UNC5C: variants seen among roughly 807,000 people sequenced by gnomAD.
UNC5C encodes unc-5 netrin receptor C.
A neutral mutation model predicts 99.8 loss-of-function variants in UNC5C; 47 were observed. That is an observed-to-expected ratio of 0.47 (90% CI 0.37 to 0.60). UNC5C has a LOEUF of 0.60. UNC5C is among the 20% of genes least tolerant of loss of function. UNC5C has a pLI of 0.00. For missense variants in UNC5C, 1,062 were observed against 1,165.9 expected (o/e 0.91, Z 1.30); for synonymous variants, 487 against 452.2 (o/e 1.08, Z -0.98).
At chr4:95,194,045 G>A (rs896655699) in intron 12 of UNC5C, among the ~76,000 whole-genome samples, 1 of 152,112 alleles carries the variant, frequency 6.6e-6, no homozygotes, top group African/African-American at 2.4e-5. Context: ...AAGTTGCTTC[G>A]TTTCTAGGGC....
intron 2 of UNC5C, among the ~76,000 whole-genome samples, chr4:95,304,703 C>T (rs1256644556): frequency 6.6e-6 from 1 of 152,134 alleles, no homozygotes; most frequent in Non-Finnish European, 1.5e-5. Context: ...TAGTAACTTA[C>T]AGTCACCAAA....
chr4:95,320,366 G>T (rs1228946891), intron 2 of UNC5C, among the ~76,000 whole-genome samples: 3 of 145,092 alleles, frequency 2.1e-5, no homozygotes, highest in African/African-American at 7.6e-5. Context: ...AGGTTGCAGT[G>T]AGCGGAGATC....
At chr4:95,376,697 G>A (rs1744904615) in intron 1 of UNC5C, among the ~76,000 whole-genome samples, 1 of 152,082 alleles carries the variant, frequency 6.6e-6, no homozygotes, top group African/African-American at 2.4e-5. Flanking sequence ...AATAAGAATA[G>A]GCTGCAATTG....
chr4:95,199,453 T>TAA (rs1737563783), intron 12 of UNC5C, among the ~76,000 whole-genome samples: 1 of 152,192 alleles, frequency 6.6e-6, no homozygotes, highest in Non-Finnish European at 1.5e-5. Flanking sequence ...TGTTTCAGGC[T>TAA]AAGTGCTAGA....
At chr4:95,548,330 C>A (rs999068664) in intron 1 of UNC5C, among the ~76,000 whole-genome samples, 2 of 152,048 alleles carry the variant, frequency 1.3e-5, no homozygotes, top group African/African-American at 4.8e-5. Flanking sequence ...GCGCATCATG[C>A]GCTTCGGGGT....
At chr4:95,175,694 A>G (rs566072687) in intron 14 of UNC5C, among the ~76,000 whole-genome samples, 136 of 151,970 alleles carry the variant, frequency 8.9e-4, no homozygotes, top group Non-Finnish European at 1.5e-3. Context: ...CTTCATTTCA[A>G]CTTTGGTGAA....
intron 7 of UNC5C, among the ~76,000 whole-genome samples, chr4:95,226,823 G>C (rs1412596687): frequency 6.6e-6 from 1 of 151,020 alleles, no homozygotes; most frequent in Non-Finnish European, 1.5e-5. Flanking sequence ...TAGGGATGGT[G>C]TTTTTTTTTG....
intron 1 of UNC5C, among the ~76,000 whole-genome samples, chr4:95,463,373 T>G (rs1317940698): frequency 6.6e-6 from 1 of 152,114 alleles, no homozygotes; most frequent in Non-Finnish European, 1.5e-5. Flanking sequence ...CAGGCTCTCC[T>G]GATTTAAAGG....
intron 1 of UNC5C, among the ~76,000 whole-genome samples, chr4:95,459,111 A>G (rs1422090298): frequency 1.3e-5 from 2 of 152,122 alleles, no homozygotes; most frequent in African/African-American, 2.4e-5. Context: ...TAGAAAGAAC[A>G]TAAAGTTACA....
intron 1 of UNC5C, among the ~76,000 whole-genome samples, chr4:95,401,183 A>T (rs1331135203): frequency 1.3e-5 from 2 of 152,184 alleles, no homozygotes; most frequent in Non-Finnish European, 2.9e-5. Flanking sequence ...TGTTCTTAGT[A>T]GAGTGCCTAC....
chr4:95,393,067 G>A (rs1308044453), intron 1 of UNC5C, among the ~76,000 whole-genome samples: 1 of 152,028 alleles, frequency 6.6e-6, no homozygotes, highest in East Asian at 1.9e-4. Flanking sequence ...AGAAACAGAG[G>A]GGATTTCTAC....
chr4:95,433,725 T>C (rs113365107), intron 1 of UNC5C, among the ~76,000 whole-genome samples: 3 of 152,206 alleles, frequency 2.0e-5, no homozygotes, highest in African/African-American at 7.2e-5. Flanking sequence ...AAATATTAAG[T>C]TTACATTCAC....
In UNC5C at chr4:95,207,134, T is replaced by C. The variant is rs567575246; in HGVS notation, c.1734-338A>G. Among the ~76,000 whole-genome samples, 18 of 152,264 alleles carry C rather than the reference T, an allele frequency of 1.2e-4. 1 individual carries two copies. The South Asian group carries it at 3.1e-3, about 26-fold the overall frequency. On this transcript the variant is annotated intron_variant, in intron 10 of 15. Transcript: ENST00000453304. ...GGAATGAGAATGAACAGAGTCCCTA[T>C]GAAGTTACATAAGCAGATTTTCTGA...
At chr4:95,236,449 G>C (rs772512609) in intron 7 of UNC5C, among the ~76,000 whole-genome samples, 2 of 140,632 alleles carry the variant, frequency 1.4e-5, no homozygotes, top group South Asian at 2.5e-4. Context: ...TGGGGGAGGG[G>C]GGAGGGATAG....
At chr4:95,252,771 C>G (rs1293715557) in intron 4 of UNC5C, among the ~76,000 whole-genome samples, 1 of 152,158 alleles carries the variant, frequency 6.6e-6, no homozygotes, top group Admixed American at 6.5e-5. Flanking sequence ...AATGCAGGTG[C>G]GTAACACACA....
At chr4:95,437,307 A>G (rs1746823764) in intron 1 of UNC5C, among the ~76,000 whole-genome samples, 1 of 151,932 alleles carries the variant, frequency 6.6e-6, no homozygotes, top group Non-Finnish European at 1.5e-5. Context: ...GCATTTCTAT[A>G]CTATCATAGT....
rs552833051 is a variant in UNC5C, at chr4:95,331,746, AAAAT to A, written c.346+3660_346+3663del. Among the ~76,000 whole-genome samples, 52 of 152,286 alleles carry A rather than the reference AAAAT, an allele frequency of 3.4e-4. 1 individual carries two copies. The highest frequency in any genetic ancestry group is 1.2e-3 in the African/African-American group (51 of 41,578). ...AATTAATTTTTATGTACAATTATAA[AAAAT>A]AAAGATTTCACAGAGAAGAAATCTC... On this transcript the variant is annotated intron_variant, in intron 2 of 15. Transcript: ENST00000453304.
At chr4:95,209,047 G>C (rs939702298) in intron 10 of UNC5C, among the ~76,000 whole-genome samples, 7 of 152,130 alleles carry the variant, frequency 4.6e-5, no homozygotes, top group African/African-American at 1.7e-4. Flanking sequence ...TCTACTTCTG[G>C]AGCAAATGGC....
intron 12 of UNC5C, among the ~76,000 whole-genome samples, chr4:95,188,179 C>T (rs1458376572): frequency 6.6e-6 from 1 of 152,106 alleles, no homozygotes; most frequent in African/African-American, 2.4e-5. Context: ...TTGGAGACTG[C>T]TGGCTCAGAC....
Sources: gnomAD v4.1 joint callset for allele counts (sites outside exome capture counted in the v4.1 genomes callset) on GRCh38, gnomAD v4.1.1 for gene constraint, MANE v1.5 for transcripts, NCBI Gene and HGNC (gene_info 2026-07-23, HGNC 2026-07-21) for gene names.